The following ALK variants were observed in gnomAD, a reference collection of about 807,000 sequenced individuals.
ALK encodes the protein ALK receptor tyrosine kinase, also known as ALK tyrosine kinase receptor.
A neutral mutation model predicts 163.1 loss-of-function variants in ALK; 74 were observed. That is an observed-to-expected ratio of 0.45 (90% CI 0.38 to 0.55). ALK has a LOEUF of 0.55. Ranked by LOEUF, ALK falls within the 20% of genes least tolerant of loss-of-function variation. The pLI is 0.00. For missense variants in ALK, 2,063 were observed against 2,105.3 expected (o/e 0.98, Z 0.39); for synonymous variants, 960 against 843.2 (o/e 1.14, Z -2.40).
intron 4 of ALK, among the ~76,000 whole-genome samples, chr2:29,529,140 G>A (rs553208280): frequency 1.3e-5 from 2 of 152,216 alleles, no homozygotes; most frequent in East Asian, 1.9e-4. Context: ...TGCCCCACCC[G>A]TGCACGACAG....
chr2:29,352,142 CA>C (rs1440688880), intron 5 of ALK, among the ~76,000 whole-genome samples: 17 of 152,174 alleles, frequency 1.1e-4, no homozygotes, highest in Non-Finnish European at 2.1e-4. Flanking sequence ...ACCGATTAGT[CA>C]CATCACTTCA....
At chr2:29,273,267 G>C (rs1300436826) in intron 11 of ALK, among the ~76,000 whole-genome samples, 2 of 152,258 alleles carry the variant, frequency 1.3e-5, no homozygotes, top group Admixed American at 1.3e-4. Context: ...ATTACTGACT[G>C]GGTGTGGCCT....
chr2:29,203,219 T>C (rs989324570), intron 26 of ALK, among the ~76,000 whole-genome samples: 2 of 152,136 alleles, frequency 1.3e-5, no homozygotes, highest in African/African-American at 4.8e-5. Flanking sequence ...CAAAGGCTCT[T>C]GCTCTCATTA....
chr2:29,549,857 A>G (rs1236722530), intron 3 of ALK, among the ~76,000 whole-genome samples: 1 of 152,222 alleles, frequency 6.6e-6, no homozygotes, highest in African/African-American at 2.4e-5. Flanking sequence ...TATTAAAATG[A>G]AGTTCTTTTT....
chr2:29,888,246 G>GTTTTT (rs371816657), intron 1 of ALK, among the ~76,000 whole-genome samples: 17 of 31,592 alleles, frequency 5.4e-4, no homozygotes, highest in African/African-American at 1.8e-3. Context: ...CCAATAAATT[G>GTTTTT]TTTTTTTTTT....
At chr2:29,368,825 G>A (rs562810325) in intron 5 of ALK, among the ~76,000 whole-genome samples, 2 of 152,198 alleles carry the variant, frequency 1.3e-5, no homozygotes, top group South Asian at 2.1e-4. Flanking sequence ...TCTGTTCTCA[G>A]GGGTGATATT....
rs568894820 is a variant in ALK, at chr2:29,842,228, T to A, written c.667+77765A>T. ...ATCCTAAAAAAGAAAAAATATATAT[T>A]ATATCTATGAAAGACCCGAGGAGAG... is the stretch of plus-strand genomic sequence containing the variant. On this transcript the variant is annotated intron_variant, in intron 1 of 28. Transcript: ENST00000389048. 2.2e-4 allele frequency among the ~76,000 whole-genome samples: 34 copies of A among 152,236 alleles called. No homozygotes were observed. The South Asian group carries it at 4.2e-3, about 19-fold the overall frequency.
At chr2:29,415,301 A>G (rs1031026018) in intron 4 of ALK, among the ~76,000 whole-genome samples, 1 of 152,032 alleles carries the variant, frequency 6.6e-6, no homozygotes, top group Non-Finnish European at 1.5e-5. Flanking sequence ...TCCTCATTCA[A>G]TAGAGGAAGA....
intron 3 of ALK, among the ~76,000 whole-genome samples, chr2:29,625,341 G>A (rs1255464085): frequency 2.0e-5 from 3 of 152,176 alleles, no homozygotes; most frequent in Non-Finnish European, 4.4e-5. Flanking sequence ...GAAAGGAGGA[G>A]TGCACACATG....
chr2:29,887,901 A>G (rs938973973), intron 1 of ALK, among the ~76,000 whole-genome samples: 9 of 152,238 alleles, frequency 5.9e-5, no homozygotes, highest in Admixed American at 5.2e-4. Flanking sequence ...CAAAAGAAAG[A>G]AACATCCCTG....
chr2:29,829,643 T>C (rs186056783), intron 1 of ALK, among the ~76,000 whole-genome samples: 51 of 152,306 alleles, frequency 3.3e-4, no homozygotes, highest in Non-Finnish European at 5.7e-4. Context: ...TAAGAACATT[T>C]TCACCTAAGG....
intron 1 of ALK, among the ~76,000 whole-genome samples, chr2:29,918,196 C>A (rs1398329326): frequency 1.3e-5 from 2 of 152,208 alleles, no homozygotes; most frequent in Admixed American, 1.3e-4. Flanking sequence ...TAGAAATGAG[C>A]CCTTTTGCCT....
chr2:29,488,748 G>A (rs974074239), intron 4 of ALK, among the ~76,000 whole-genome samples: 7 of 152,198 alleles, frequency 4.6e-5, no homozygotes, highest in Admixed American at 4.6e-4. Context: ...ATGAGGGGAT[G>A]GGAAGTGGGA....
At chr2:29,758,402 A>G (rs1323081454) in intron 1 of ALK, among the ~76,000 whole-genome samples, 1 of 152,148 alleles carries the variant, frequency 6.6e-6, no homozygotes, top group African/African-American at 2.4e-5. Flanking sequence ...AGGTTCAACC[A>G]TGGCACCTCA....
At chr2:29,536,222 G>A (rs1472745511) in intron 3 of ALK, among the ~76,000 whole-genome samples, 1 of 152,164 alleles carries the variant, frequency 6.6e-6, no homozygotes. Flanking sequence ...TCCCAGTGTT[G>A]GAGGTGAGGC....
At chr2:29,362,562 G>A (rs1054299932) in intron 5 of ALK, among the ~76,000 whole-genome samples, 1 of 152,204 alleles carries the variant, frequency 6.6e-6, no homozygotes, top group Admixed American at 6.5e-5. Flanking sequence ...GGAGCTGGAT[G>A]GATCCCAGGA....
chr2:29,201,744 G>A (rs1360791201), intron 26 of ALK, among the ~76,000 whole-genome samples: 4 of 150,130 alleles, frequency 2.7e-5, no homozygotes, highest in Non-Finnish European at 4.4e-5. Context: ...CTGAGATGGC[G>A]CCACTGTACT....
intron 3 of ALK, among the ~76,000 whole-genome samples, chr2:29,636,985 T>C (rs1676553197): frequency 6.6e-6 from 1 of 152,204 alleles, no homozygotes; most frequent in African/African-American, 2.4e-5. Context: ...CCTACATTGC[T>C]GATGAGAGTA....
At chr2:29,560,837 G>A (rs777323685) in intron 3 of ALK, among the ~76,000 whole-genome samples, 19 of 152,010 alleles carry the variant, frequency 1.2e-4, no homozygotes, top group African/African-American at 4.6e-4. Flanking sequence ...CTCCCAAAAT[G>A]CTGGGATTAC....
Sources: allele counts gnomAD v4.1 joint callset (sites outside exome capture counted in the v4.1 genomes callset), GRCh38; gene constraint gnomAD v4.1.1; transcripts MANE v1.5; gene names NCBI Gene and HGNC (gene_info 2026-07-23, HGNC 2026-07-21).